Variants in VAMP4 observed in about 807,000 individuals in gnomAD.
The protein encoded by VAMP4 is vesicle associated membrane protein 4.
VAMP4 carries 19 observed loss-of-function variants against 23.5 expected under a neutral mutation model. That is an observed-to-expected ratio of 0.81 (90% CI 0.56 to 1.19). VAMP4 has a LOEUF of 1.19. VAMP4 is among the 50% of genes most tolerant of loss of function. VAMP4 has a pLI of 0.00. For missense variants in VAMP4, 145 were observed against 168.6 expected, an observed-to-expected ratio of 0.86 and a Z score of 0.78; for synonymous variants, 31 against 51.0, an observed-to-expected ratio of 0.61 and a Z score of 1.67.
Position 171,710,746 on chromosome 1 carries a change from C to T in VAMP4, c.233G>A (p.Gly78Glu). The change falls in exon 5 of 8, where the codon GGG becomes GAG. Residue 78 changes from glycine to glutamate, a missense_variant. Coordinates refer to ENST00000236192, the MANE Select transcript of VAMP4 (RefSeq NM_003762.5). ...GTCCTGTAGTTCATCTAGTCTCTCCCCTCTCTCAATTACCTTTGTAATATT... is the reference window on the plus strand; with the variant it reads ...GTCCTGTAGTTCATCTAGTCTCTCCTCTCTCTCAATTACCTTTGTAATATT... ...QENITKVIER[G>E]ERLDELQDKS... 2 of 1,609,356 alleles carry T rather than the reference C, an allele frequency of 1.2e-6. No individual in the cohort carries two copies. Among genetic ancestry groups the T allele is most frequent in the Non-Finnish European group, 1.7e-6 (2 of 1,177,734 alleles).
rs980822476 is a variant in VAMP4, at chr1:171,701,801, T to C, written c.*2705A>G. 1.3e-5 allele frequency: 2 copies of C among 152,114 alleles called. No homozygotes were observed. Among genetic ancestry groups the C allele is most frequent in the African/African-American group, 2.4e-5 (1 of 41,446 alleles). The allele number at this position is 152,114 out of a possible 1,614,324, so 9.4% of individuals were successfully genotyped here. A position where few individuals can be genotyped will look rare whatever the true frequency, so the allele number is the denominator to read the frequency against. ...CAATTTCCAGTGAACTTTGTCAGGATAGAGGAACCAAATGACCACAGGTAT... is the reference window on the plus strand; with the variant it reads ...CAATTTCCAGTGAACTTTGTCAGGACAGAGGAACCAAATGACCACAGGTAT... On this transcript the variant is annotated 3_prime_UTR_variant, in exon 8 of 8. Coordinates refer to ENST00000236192, the MANE Select transcript of VAMP4 (RefSeq NM_003762.5).
chr1:171,715,918 T>C (rs1323646117), intron 4 of VAMP4, among the ~76,000 whole-genome samples: 2 of 152,132 alleles, frequency 1.3e-5, no homozygotes, highest in African/African-American at 4.8e-5. Context: ...GAAGGATCAA[T>C]TGAGCCCAGG....
At chr1:171,721,642 C>T (rs529667801) in intron 3 of VAMP4, among the ~76,000 whole-genome samples, 84 of 152,256 alleles carry the variant, frequency 5.5e-4, no homozygotes, top group African/African-American at 1.9e-3. Context: ...CATGAGTGAA[C>T]TCCCATTCAC....
intron 1 of VAMP4, among the ~76,000 whole-genome samples, chr1:171,739,920 G>A (rs184807051): frequency 1.8e-4 from 27 of 151,794 alleles, no homozygotes; most frequent in African/African-American, 5.5e-4. Context: ...TTTTTTTTGC[G>A]AAAAAGTTCT....
At chr1:171,724,844 T>C (rs1655315987) in intron 3 of VAMP4, among the ~76,000 whole-genome samples, 1 of 152,192 alleles carries the variant, frequency 6.6e-6, no homozygotes, top group Non-Finnish European at 1.5e-5. Flanking sequence ...GTACTCAGGA[T>C]AGTGATTACT....
intron 4 of VAMP4, among the ~76,000 whole-genome samples, chr1:171,714,341 C>T (rs1654958828): frequency 6.6e-6 from 1 of 152,206 alleles, no homozygotes; most frequent in African/African-American, 2.4e-5. Flanking sequence ...CATTGTTATA[C>T]TATAAATGCC....
chr1:171,730,222 C>T (rs1411987775), intron 2 of VAMP4, among the ~76,000 whole-genome samples: 2 of 152,118 alleles, frequency 1.3e-5, no homozygotes, highest in African/African-American at 4.8e-5. Context: ...GTAGCAGTAG[C>T]AATGGGAAAC....
chr1:171,712,417 C>A (rs1256413294), intron 4 of VAMP4, among the ~76,000 whole-genome samples: 2 of 152,058 alleles, frequency 1.3e-5, no homozygotes, highest in African/African-American at 2.4e-5. Context: ...AATGAAGGCC[C>A]ACTTAGACAT....
intron 4 of VAMP4, among the ~76,000 whole-genome samples, chr1:171,712,818 G>A (rs1189941236): frequency 6.6e-6 from 1 of 152,144 alleles, no homozygotes; most frequent in Non-Finnish European, 1.5e-5. Context: ...ACTGTTTTAG[G>A]TACTGAGGAA....
chr1:171,741,446 G>A (rs1172260911), intron 1 of VAMP4, among the ~76,000 whole-genome samples: 1 of 151,872 alleles, frequency 6.6e-6, no homozygotes, highest in Non-Finnish European at 1.5e-5. Flanking sequence ...AAACACAGCA[G>A]GGTTGGCGCT....
intron 2 of VAMP4, among the ~76,000 whole-genome samples, chr1:171,731,123 G>A (rs780941041): frequency 7.9e-5 from 12 of 151,918 alleles, no homozygotes; most frequent in Admixed American, 1.3e-4. Context: ...TATCTTTTAC[G>A]TGCTTCTATG....
At chr1:171,726,066 G>C (rs878909265) in intron 3 of VAMP4, among the ~76,000 whole-genome samples, 2 of 148,602 alleles carry the variant, frequency 1.3e-5, no homozygotes, top group African/African-American at 2.5e-5. Context: ...ATTTTTTTTT[G>C]GGGGGGGCGA....
At chr1:171,731,989 G>A (rs6672082) in intron 2 of VAMP4, among the ~76,000 whole-genome samples, 53,227 of 151,990 alleles carry the variant, frequency 0.35, 9,753 homozygotes, top group African/African-American at 0.47. Flanking sequence ...GTATCTTACA[G>A]AAGCTGCGCA....
intron 3 of VAMP4, among the ~76,000 whole-genome samples, chr1:171,725,940 G>A (rs997505489): frequency 5.3e-5 from 8 of 151,424 alleles, no homozygotes; most frequent in South Asian, 4.2e-4. Context: ...CACCTGCCTC[G>A]GTCTCCCAAA....
chr1:171,732,424 C>T (rs566388925), intron 2 of VAMP4, among the ~76,000 whole-genome samples: 3 of 151,358 alleles, frequency 2.0e-5, no homozygotes, highest in East Asian at 3.9e-4. Flanking sequence ...GTAGTCCTAG[C>T]TATTCAGCAG....
chr1:171,736,876 C>G (rs1271825461), intron 2 of VAMP4, among the ~76,000 whole-genome samples: 1 of 152,010 alleles, frequency 6.6e-6, no homozygotes, highest in African/African-American at 2.4e-5. Flanking sequence ...ACTCAGGAGG[C>G]TGGGGTGGGA....
chr1:171,732,354 C>T (rs1251068867), intron 2 of VAMP4, among the ~76,000 whole-genome samples: 1 of 129,502 alleles, frequency 7.7e-6, no homozygotes, highest in Admixed American at 8.1e-5. Flanking sequence ...GACCGTGTCT[C>T]TATGGGAAAA....
At chr1:171,737,833 G>A (rs1308530341) in intron 2 of VAMP4, among the ~76,000 whole-genome samples, 1 of 152,162 alleles carries the variant, frequency 6.6e-6, no homozygotes, top group Admixed American at 6.5e-5. Context: ...AAGAAGCTAT[G>A]AGAATAATGA....
At chr1:171,732,250 G>A (rs1258034969) in intron 2 of VAMP4, among the ~76,000 whole-genome samples, 1 of 152,004 alleles carries the variant, frequency 6.6e-6, no homozygotes, top group Non-Finnish European at 1.5e-5. Context: ...GCTGGGTGCA[G>A]TGGCTCACAC....
Sources: gnomAD v4.1 joint callset for allele counts (sites outside exome capture counted in the v4.1 genomes callset) on GRCh38, gnomAD v4.1.1 for gene constraint, MANE v1.5 for transcripts, NCBI Gene and HGNC (gene_info 2026-07-23, HGNC 2026-07-21) for gene names.